The following CDH12 variants were observed in gnomAD, a reference collection of about 807,000 sequenced individuals.
The protein encoded by CDH12 is cadherin-12.
CDH12 carries 41 observed loss-of-function variants against 74.1 expected under a neutral mutation model. That is an observed-to-expected ratio of 0.55 (90% CI 0.43 to 0.72). CDH12 has a LOEUF of 0.72. Ranked by LOEUF, CDH12 falls within the 30% of genes least tolerant of loss-of-function variation. The probability of loss-of-function intolerance (pLI) is 0.00; values close to 1 mark genes in which losing one functional copy is unlikely to be tolerated. For missense variants in CDH12, 945 were observed against 977.2 expected (o/e 0.97, Z 0.44); for synonymous variants, 399 against 355.0 (o/e 1.12, Z -1.39).
At chr5:22,102,315 G>T (rs1340417361) in intron 4 of CDH12, among the ~76,000 whole-genome samples, 1 of 152,034 alleles carries the variant, frequency 6.6e-6, no homozygotes, top group Non-Finnish European at 1.5e-5. Flanking sequence ...ATGGCTCCTG[G>T]GTGCTTTGAA....
At chr5:22,209,149 T>C (rs1751391927) in intron 4 of CDH12, among the ~76,000 whole-genome samples, 2 of 152,148 alleles carry the variant, frequency 1.3e-5, no homozygotes, top group South Asian at 4.1e-4. Flanking sequence ...TCTTAGCACA[T>C]CCTTGGATAT....
intron 2 of CDH12, among the ~76,000 whole-genome samples, chr5:22,454,910 C>G (rs1374210082): frequency 6.6e-6 from 1 of 152,142 alleles, no homozygotes; most frequent in African/African-American, 2.4e-5. Flanking sequence ...ACATATGAAT[C>G]TGGAAGGAAC....
intron 1 of CDH12, among the ~76,000 whole-genome samples, chr5:22,512,847 G>A (rs776843706): frequency 1.3e-5 from 2 of 152,096 alleles, no homozygotes; most frequent in African/African-American, 4.8e-5. Flanking sequence ...TGGATCATCT[G>A]AGTTCGGAGT....
chr5:22,681,966 G>GA (rs144884720), intron 1 of CDH12, among the ~76,000 whole-genome samples: 3,599 of 150,470 alleles, frequency 0.024, 142 homozygotes, highest in African/African-American at 0.083. Context: ...AAAACAGAAG[G>GA]AAAAAAAAAT....
At chr5:22,734,229 T>C (rs1489626807) in intron 1 of CDH12, among the ~76,000 whole-genome samples, 1 of 151,988 alleles carries the variant, frequency 6.6e-6, no homozygotes, top group Non-Finnish European at 1.5e-5. Context: ...TTCACTATTA[T>C]TGATCGCCAA....
At chr5:22,635,717 C>T (rs531438487) in intron 1 of CDH12, among the ~76,000 whole-genome samples, 25 of 152,154 alleles carry the variant, frequency 1.6e-4, no homozygotes, top group African/African-American at 5.1e-4. Context: ...AGATCGAAAC[C>T]GGCCTGACCA....
At chr5:22,629,337 T>C (rs950254017) in intron 1 of CDH12, among the ~76,000 whole-genome samples, 1 of 151,910 alleles carries the variant, frequency 6.6e-6, no homozygotes, top group Admixed American at 6.6e-5. Context: ...GCCAAAATTC[T>C]TGATGAACAT....
intron 3 of CDH12, among the ~76,000 whole-genome samples, chr5:22,353,333 C>G (rs1740431538): frequency 6.6e-6 from 1 of 152,138 alleles, no homozygotes; most frequent in Non-Finnish European, 1.5e-5. Flanking sequence ...AATATCTGCT[C>G]AAAGACCCTA....
intron 3 of CDH12, among the ~76,000 whole-genome samples, chr5:22,297,520 C>T (rs1737684095): frequency 6.6e-6 from 1 of 152,096 alleles, no homozygotes; most frequent in Admixed American, 6.6e-5. Flanking sequence ...GCATTTATTT[C>T]ACACTCCTTG....
At chr5:22,114,319 A>G (rs1319574575) in intron 4 of CDH12, among the ~76,000 whole-genome samples, 16 of 152,126 alleles carry the variant, frequency 1.1e-4, no homozygotes, top group Non-Finnish European at 2.4e-4. Context: ...ATAAAAATAT[A>G]TCATTTTTTG....
intron 1 of CDH12, among the ~76,000 whole-genome samples, chr5:22,745,563 T>C (rs559590369): frequency 6.6e-5 from 10 of 152,244 alleles, no homozygotes; most frequent in African/African-American, 2.2e-4. Flanking sequence ...GTGGCACATA[T>C]ACACTATAGA....
At chr5:22,341,636 C>T (rs1739853364) in intron 3 of CDH12, among the ~76,000 whole-genome samples, 1 of 152,102 alleles carries the variant, frequency 6.6e-6, no homozygotes, top group Admixed American at 6.6e-5. Context: ...ACTGCACAGA[C>T]ATAGTGAGGA....
intron 3 of CDH12, among the ~76,000 whole-genome samples, chr5:22,238,746 AT>A (rs1364044139): frequency 6.6e-6 from 1 of 151,974 alleles, no homozygotes; most frequent in Non-Finnish European, 1.5e-5. Flanking sequence ...TGGAATCAAA[AT>A]TTATAGAGTA....
At chr5:22,298,936 C>T (rs1056350737) in intron 3 of CDH12, among the ~76,000 whole-genome samples, 7 of 152,158 alleles carry the variant, frequency 4.6e-5, no homozygotes, top group Admixed American at 3.3e-4. Flanking sequence ...ACTCATTCAT[C>T]ATTCATCCAT....
At chr5:21,893,188 G>A (rs1579921821) in intron 6 of CDH12, among the ~76,000 whole-genome samples, 1 of 152,140 alleles carries the variant, frequency 6.6e-6, no homozygotes, top group African/African-American at 2.4e-5. Flanking sequence ...TGCCTTTCAA[G>A]TTAATTGTAA....
In CDH12 at chr5:22,356,754, A is replaced by T. The variant is rs139553473; in HGVS notation, c.-333+48503T>A. On this transcript the variant is annotated intron_variant, in intron 3 of 14. Transcript: ENST00000382254. ...CAATACCAATTTCAATCCTATTTTGATTAAGAGATGTAGGCTCGGATCTCA... is the reference window on the plus strand; with the variant it reads ...CAATACCAATTTCAATCCTATTTTGTTTAAGAGATGTAGGCTCGGATCTCA... Among the ~76,000 whole-genome samples, 349 of 152,184 alleles carry T rather than the reference A, an allele frequency of 2.3e-3. 5 individuals are homozygous for T. The highest frequency in any genetic ancestry group is 4.1e-3 in the East Asian group (21 of 5,170).
intron 1 of CDH12, among the ~76,000 whole-genome samples, chr5:22,539,753 T>C (rs1018758526): frequency 6.6e-6 from 1 of 152,208 alleles, no homozygotes; most frequent in African/African-American, 2.4e-5. Context: ...GCGGGCTGTA[T>C]GGATGTGATC....
At chr5:21,962,665 T>C (rs1756412000) in intron 6 of CDH12, among the ~76,000 whole-genome samples, 1 of 152,164 alleles carries the variant, frequency 6.6e-6, no homozygotes, top group African/African-American at 2.4e-5. Context: ...GATAGTCCTT[T>C]GAAAGCTGTT....
chr5:22,187,692 A>G (rs983263271), intron 4 of CDH12, among the ~76,000 whole-genome samples: 21 of 151,188 alleles, frequency 1.4e-4, no homozygotes, highest in South Asian at 2.1e-4. Flanking sequence ...AACTACATTT[A>G]GCAACCCAGA....
Sources: gnomAD v4.1 joint callset for allele counts (sites outside exome capture counted in the v4.1 genomes callset) on GRCh38, gnomAD v4.1.1 for gene constraint, MANE v1.5 for transcripts, NCBI Gene and HGNC (gene_info 2026-07-23, HGNC 2026-07-21) for gene names.